The following UNC5C variants were observed in gnomAD, a reference collection of about 807,000 sequenced individuals.
The protein encoded by UNC5C is unc-5 netrin receptor C.
UNC5C carries 47 observed loss-of-function variants against 99.8 expected under a neutral mutation model. The observed-to-expected ratio is 0.47, with a 90% CI of 0.37 to 0.60. UNC5C has a LOEUF of 0.60. Among genes scored for constraint, UNC5C ranks in the 20% least tolerant of loss-of-function variants. UNC5C has a pLI of 0.00. For synonymous variants in UNC5C, 487 were observed against 452.2 expected, an observed-to-expected ratio of 1.08 and a Z score of -0.98; for missense variants, 1,062 against 1,165.9, an observed-to-expected ratio of 0.91 and a Z score of 1.30.
chr4:95,481,859 C>T (rs1721167226), intron 1 of UNC5C, among the ~76,000 whole-genome samples: 1 of 151,932 alleles, frequency 6.6e-6, no homozygotes, highest in Non-Finnish European at 1.5e-5. Flanking sequence ...AAAATTAATT[C>T]AAGATGGATT....
At chr4:95,201,439 T>A (rs1344416992) in intron 12 of UNC5C, among the ~76,000 whole-genome samples, 1 of 152,146 alleles carries the variant, frequency 6.6e-6, no homozygotes, top group African/African-American at 2.4e-5. Flanking sequence ...CAGGCTGATA[T>A]TTCTAATATG....
chr4:95,462,378 T>C (rs1388525430), intron 1 of UNC5C, among the ~76,000 whole-genome samples: 1 of 152,160 alleles, frequency 6.6e-6, no homozygotes, highest in Admixed American at 6.6e-5. Context: ...GTAAACTTGT[T>C]TCAGGTGCTA....
At chr4:95,445,691 CAA>C (rs1382826384) in intron 1 of UNC5C, among the ~76,000 whole-genome samples, 2 of 152,094 alleles carry the variant, frequency 1.3e-5, no homozygotes, top group Admixed American at 1.3e-4. Flanking sequence ...CGAGAAGCCT[CAA>C]GTTACTGCGA....
intron 6 of UNC5C, among the ~76,000 whole-genome samples, chr4:95,243,596 G>A (rs1402810826): frequency 6.6e-6 from 1 of 151,998 alleles, no homozygotes; most frequent in Non-Finnish European, 1.5e-5. Flanking sequence ...CTACATATTA[G>A]TAAAAATTAT....
intron 1 of UNC5C, among the ~76,000 whole-genome samples, chr4:95,488,550 A>G (rs1447667077): frequency 1.3e-5 from 2 of 151,640 alleles, no homozygotes; most frequent in African/African-American, 4.8e-5. Context: ...GTTCTTTGGT[A>G]TCTGTAATTT....
chr4:95,359,480 T>G (rs1579356390), intron 1 of UNC5C, among the ~76,000 whole-genome samples: 1 of 145,908 alleles, frequency 6.9e-6, no homozygotes, highest in South Asian at 2.2e-4. Context: ...CTACCTATAC[T>G]GTTTCTAAAA....
At chr4:95,392,857 A>G (rs185251121) in intron 1 of UNC5C, among the ~76,000 whole-genome samples, 9 of 152,332 alleles carry the variant, frequency 5.9e-5, no homozygotes, top group Admixed American at 5.9e-4. Context: ...TTATAATCCA[A>G]TTCAGTAAAC....
At chr4:95,308,253 G>A (rs764009322) in intron 2 of UNC5C, among the ~76,000 whole-genome samples, 70 of 152,084 alleles carry the variant, frequency 4.6e-4, no homozygotes, top group Non-Finnish European at 9.7e-4. Flanking sequence ...ATTCAGTACA[G>A]TTGCAGGACA....
intron 14 of UNC5C, among the ~76,000 whole-genome samples, chr4:95,177,298 G>T (rs373054219): frequency 2.0e-5 from 3 of 152,282 alleles, no homozygotes; most frequent in East Asian, 3.9e-4. Context: ...TTCCTCACTA[G>T]TTGCCAGAGG....
intron 10 of UNC5C, among the ~76,000 whole-genome samples, chr4:95,212,992 G>A (rs1008449763): frequency 6.6e-6 from 1 of 152,142 alleles, no homozygotes; most frequent in Admixed American, 6.5e-5. Flanking sequence ...CCTTCTGGGC[G>A]AGTCCTTCTG....
At chr4:95,496,988 G>T (rs1012797449) in intron 1 of UNC5C, among the ~76,000 whole-genome samples, 3 of 151,868 alleles carry the variant, frequency 2.0e-5, no homozygotes, top group Non-Finnish European at 4.4e-5. Flanking sequence ...CTCCATCCAA[G>T]TTGCTGCAAA....
intron 1 of UNC5C, among the ~76,000 whole-genome samples, chr4:95,338,782 T>G (rs1743444868): frequency 6.6e-6 from 1 of 152,076 alleles, no homozygotes; most frequent in African/African-American, 2.4e-5. Flanking sequence ...ACAAGGAATT[T>G]TAGAGTTTAT....
chr4:95,191,123 G>C (rs943993188), intron 12 of UNC5C, among the ~76,000 whole-genome samples: 3 of 152,160 alleles, frequency 2.0e-5, no homozygotes, highest in Admixed American at 6.5e-5. Context: ...GCTTGACAGA[G>C]AGGCAGGAGG....
chr4:95,476,808 C>T (rs1748164639), intron 1 of UNC5C, among the ~76,000 whole-genome samples: 1 of 151,928 alleles, frequency 6.6e-6, no homozygotes, highest in African/African-American at 2.4e-5. Flanking sequence ...ACTATTCTTA[C>T]TCCCAGTTTA....
At chr4:95,321,219 AG>A (rs1250576136) in intron 2 of UNC5C, among the ~76,000 whole-genome samples, 3 of 152,230 alleles carry the variant, frequency 2.0e-5, no homozygotes, top group African/African-American at 7.2e-5. Flanking sequence ...GAGTACATAC[AG>A]GGTCTATAAT....
intron 1 of UNC5C, among the ~76,000 whole-genome samples, chr4:95,337,051 A>G (rs1175095248): frequency 6.6e-6 from 1 of 151,980 alleles, no homozygotes; most frequent in African/African-American, 2.4e-5. Flanking sequence ...ATCCATCAGC[A>G]TGAAACTGAT....
chr4:95,176,233 T>A (rs1159670941), intron 14 of UNC5C, among the ~76,000 whole-genome samples: 1 of 152,252 alleles, frequency 6.6e-6, no homozygotes, highest in Non-Finnish European at 1.5e-5. Context: ...GAAGCCTTCC[T>A]CTCTCAGCTC....
intron 3 of UNC5C, among the ~76,000 whole-genome samples, chr4:95,279,281 A>G (rs1032755123): frequency 3.3e-5 from 5 of 152,202 alleles, no homozygotes; most frequent in Non-Finnish European, 7.3e-5. Context: ...CTTTAATTAG[A>G]AGACTAGTCA....
chr4:95,316,110 C>T (rs1742466663), intron 2 of UNC5C, among the ~76,000 whole-genome samples: 1 of 152,028 alleles, frequency 6.6e-6, no homozygotes, highest in Non-Finnish European at 1.5e-5. Flanking sequence ...ATTAAGTGTA[C>T]ATCAAGCTCA....
Sources: gnomAD v4.1 joint callset for allele counts (sites outside exome capture counted in the v4.1 genomes callset) on GRCh38, gnomAD v4.1.1 for gene constraint, MANE v1.5 for transcripts, NCBI Gene and HGNC (gene_info 2026-07-23, HGNC 2026-07-21) for gene names.